Variants in UIMC1 observed in about 807,000 individuals in gnomAD.
UIMC1 encodes BRCA1-A complex subunit RAP80.
In UIMC1, 42 loss-of-function variants were observed where a neutral mutation model predicts 84.9. That is an observed-to-expected ratio of 0.49 (90% CI 0.39 to 0.64). The LOEUF is 0.64. Ranked by LOEUF, UIMC1 falls within the 30% of genes least tolerant of loss-of-function variation. The pLI is 0.00. For missense variants in UIMC1, 825 were observed against 847.6 expected (o/e 0.97, Z 0.33); for synonymous variants, 281 against 293.0 (o/e 0.96, Z 0.42).
intron 10 of UIMC1, among the ~76,000 whole-genome samples, chr5:176,941,803 G>A (rs1764471833): frequency 6.6e-6 from 1 of 151,888 alleles, no homozygotes; most frequent in Non-Finnish European, 1.5e-5. Flanking sequence ...AGATTTTCTT[G>A]ATCAATGTCT....
intron 10 of UIMC1, among the ~76,000 whole-genome samples, chr5:176,930,428 T>C (rs1762942684): frequency 6.6e-6 from 1 of 152,238 alleles, no homozygotes; most frequent in African/African-American, 2.4e-5. Flanking sequence ...CTCTTGTCAC[T>C]TTCTAGGTAC....
chr5:176,933,914 A>T (rs533872166), intron 10 of UIMC1, among the ~76,000 whole-genome samples: 3 of 152,184 alleles, frequency 2.0e-5, no homozygotes, highest in Admixed American at 6.5e-5. Flanking sequence ...TTAAGCAAGA[A>T]GCCCTCCCTT....
intron 6 of UIMC1, among the ~76,000 whole-genome samples, 183 bp downstream of exon 6, chr5:176,968,372 C>CAA (rs752467394): frequency 4.7e-4 from 65 of 137,354 alleles, no homozygotes; most frequent in African/African-American, 1.2e-3. Context: ...GACTCCAACT[C>CAA]AAAAAAAAAA....
At chr5:176,953,756 T>C (rs1434852864) in intron 8 of UIMC1, among the ~76,000 whole-genome samples, 5 of 152,130 alleles carry the variant, frequency 3.3e-5, no homozygotes, top group African/African-American at 9.7e-5. Flanking sequence ...GCATGCAAAA[T>C]GTAGGCATAA....
At chr5:177,012,656 G>A (rs1239756015) in intron 1 of UIMC1, among the ~76,000 whole-genome samples, 1 of 152,004 alleles carries the variant, frequency 6.6e-6, no homozygotes, top group African/African-American at 2.4e-5. Context: ...TCGCGCCACT[G>A]CACTCCAGCC....
rs112157123 is a variant in UIMC1 at position 176,922,721 on chromosome 5, C to A, written c.1598-11332G>T. On this transcript the variant is annotated intron_variant, in intron 10 of 14. Coordinates refer to ENST00000511320, the MANE Select transcript of UIMC1 (RefSeq NM_001199298.2). ...GACGTTTTTAGAGTAGATTTTCAAA[C>A]TTTAATTCATGGGTCAGAAGATATG... Among the ~76,000 whole-genome samples the A allele has an allele frequency of 4.1e-3, 630 of 152,286 alleles. 7 individuals are homozygous for A. The highest frequency in any genetic ancestry group is 0.014 in the African/African-American group (585 of 41,550).
chr5:177,002,471 C>T (rs1236326298), intron 1 of UIMC1, among the ~76,000 whole-genome samples: 2 of 152,056 alleles, frequency 1.3e-5, no homozygotes, highest in South Asian at 2.1e-4. Context: ...GTTCACTCTA[C>T]TGTATATAAA....
chr5:176,944,101 T>C (rs910080812), intron 9 of UIMC1, among the ~76,000 whole-genome samples: 1 of 152,172 alleles, frequency 6.6e-6, no homozygotes, highest in Non-Finnish European at 1.5e-5. Context: ...CTTTAAGACA[T>C]AAGGAGTTAG....
chr5:176,969,093 G>C lies in UIMC1; in HGVS notation c.662C>G (p.Thr221Ser). The C allele has an allele frequency of 6.2e-7, 1 of 1,614,198 alleles. No individual in the cohort carries two copies. ...CTGTGTGTGCTCAGCCGAGTGGCCAGTACATCTGTCAAAAGATTTAACGTT... is the reference window on the plus strand; with the variant it reads ...CTGTGTGTGCTCAGCCGAGTGGCCACTACATCTGTCAAAAGATTTAACGTT... ...NVNVKSFDRCTGHSAEHTQCG... is the reference protein window; with the variant it reads ...NVNVKSFDRCSGHSAEHTQCG... The change falls in exon 6 of 15, where the codon ACT becomes AGT. Residue 221 changes from threonine (T) to serine (S), a missense_variant. Transcript: ENST00000511320.
chr5:176,989,295 A>G (rs949413835), intron 1 of UIMC1, among the ~76,000 whole-genome samples: 1 of 152,174 alleles, frequency 6.6e-6, no homozygotes, highest in African/African-American at 2.4e-5. Context: ...CCATGATAAA[A>G]CTCGACACAC....
chr5:177,020,179 C>CA (rs1435577804), intron 1 of UIMC1, among the ~76,000 whole-genome samples: 1 of 152,226 alleles, frequency 6.6e-6, no homozygotes, highest in African/African-American at 2.4e-5. Flanking sequence ...GGGCTCCAGC[C>CA]ATGCTGTCGT....
At chr5:176,910,065 T>C (rs1759921052) in intron 11 of UIMC1, among the ~76,000 whole-genome samples, 1 of 152,238 alleles carries the variant, frequency 6.6e-6, no homozygotes, top group Admixed American at 6.5e-5. Context: ...AAGCTGGGGA[T>C]ATAAACATGA....
At chr5:176,948,844 G>C (rs1402042008) in intron 9 of UIMC1, among the ~76,000 whole-genome samples, 2 of 151,856 alleles carry the variant, frequency 1.3e-5, no homozygotes, top group African/African-American at 2.4e-5. Context: ...GAAATTTTAG[G>C]ACAAATGACC....
chr5:176,947,590 G>A (rs542155697), intron 9 of UIMC1, among the ~76,000 whole-genome samples: 1 of 152,136 alleles, frequency 6.6e-6, no homozygotes, highest in African/African-American at 2.4e-5. Context: ...AGGCCAAGGC[G>A]GGTGGATCAT....
In UIMC1 at chr5:176,951,572, G is replaced by T; in HGVS notation, c.1345C>A (p.Gln449Lys). Residue 449 changes from glutamine to lysine, a missense_variant, in exon 9 of 15, where the codon CAG (glutamine) becomes AAG (lysine). Transcript: ENST00000511320. ...TCAAAAGTTTCAGAGGAACTTAGCTGGGTCTCTGTAATTTAAAAAAGTTAA... is the reference window on the plus strand; with the variant it reads ...TCAAAAGTTTCAGAGGAACTTAGCTTGGTCTCTGTAATTTAAAAAAGTTAA... ...AEEITVCPETQLSSSETFDLE... is the reference protein window; with the variant it reads ...AEEITVCPETKLSSSETFDLE... 6.4e-7 allele frequency: 1 copy of T among 1,568,804 alleles called. No homozygotes were observed. The highest frequency in any genetic ancestry group is 8.6e-7 in the Non-Finnish European group (1 of 1,163,866).
chr5:176,982,229 G>T (rs1001248583), intron 2 of UIMC1, among the ~76,000 whole-genome samples: 5 of 152,134 alleles, frequency 3.3e-5, no homozygotes, highest in African/African-American at 1.2e-4. Flanking sequence ...GTTCCAAAAT[G>T]CCACTTTGGA....
intron 1 of UIMC1, among the ~76,000 whole-genome samples, chr5:176,986,270 G>A (rs1300679505): frequency 7.2e-6 from 1 of 138,754 alleles, no homozygotes; most frequent in Non-Finnish European, 1.5e-5. Flanking sequence ...TGAGGCAGGA[G>A]AATCACTTGA....
chr5:176,988,147 A>G lies in UIMC1; in HGVS notation c.-8-5524T>C, dbSNP rs972216622. Among the ~76,000 whole-genome samples, 3 of 152,086 alleles carry G rather than the reference A, an allele frequency of 2.0e-5. No homozygotes were observed. The East Asian group carries it at 5.8e-4, about 29-fold the overall frequency. On this transcript the variant is annotated intron_variant, in intron 1 of 14. Transcript: ENST00000511320. ...CCCCTGTCCAAAAAAAAAAAAAAAA[A>G]AAAACTCAAATCATTAATCATGAGG...
intron 1 of UIMC1, among the ~76,000 whole-genome samples, chr5:176,998,902 T>C (rs191272257): frequency 4.9e-4 from 74 of 151,842 alleles, no homozygotes; most frequent in African/African-American, 1.6e-3. Flanking sequence ...TTAAAAATAA[T>C]GCTCAGGCTG....
Sources: allele counts gnomAD v4.1 joint callset (sites outside exome capture counted in the v4.1 genomes callset), GRCh38; gene constraint gnomAD v4.1.1; transcripts MANE v1.5; gene names NCBI Gene and HGNC (gene_info 2026-07-23, HGNC 2026-07-21).